The following NUDT3 variants were observed in gnomAD, a reference collection of about 807,000 sequenced individuals.
The protein encoded by NUDT3 is diphosphoinositol polyphosphate phosphohydrolase 1.
In NUDT3, 9 loss-of-function variants were observed where a neutral mutation model predicts 23.6. The observed-to-expected ratio is 0.38, with a 90% CI of 0.23 to 0.66. NUDT3 has a LOEUF of 0.66. NUDT3 is among the 30% of genes least tolerant of loss of function. The probability of loss-of-function intolerance (pLI) is 0.52; values close to 1 mark genes in which losing one functional copy is unlikely to be tolerated. For synonymous variants in NUDT3, 86 were observed against 82.6 expected, an observed-to-expected ratio of 1.04 and a Z score of -0.22; for missense variants, 172 against 218.5, an observed-to-expected ratio of 0.79 and a Z score of 1.34.
chr6:34,334,109 G>A (rs1030362597), intron 2 of NUDT3, among the ~76,000 whole-genome samples: 16 of 152,204 alleles, frequency 1.1e-4, no homozygotes, highest in East Asian at 5.8e-4. Context: ...GATGCCTGCC[G>A]GTGCACTGTG....
rs780334744 is a variant in NUDT3, at chr6:34,288,772, G to A, written c.500C>T (p.Ser167Leu). The A allele has an allele frequency of 1.9e-6, 3 of 1,611,040 alleles. No individual in the cohort carries two copies. Among genetic ancestry groups the A allele is most frequent in the South Asian group, 2.2e-5 (2 of 90,518 alleles). ...ATTYSVSAQSSMSGIR is the reference protein window; with the variant it reads ...ATTYSVSAQSLMSGIR ...CTTCAGTCATCTGATGCCTGACATC[G>A]AGCTCTGAGCAGAAACCGAGTATGT... is the stretch of plus-strand genomic sequence containing the variant. Residue 167 changes from serine to leucine, a missense_variant, in exon 5 of 5, where the codon TCG (serine) becomes TTG (leucine). By Grantham distance (145) the Ser-to-Leu change is moderately radical. Around this residue, in one of 3 missense-constraint regions of NUDT3, gnomAD observed 63 missense variants for 64.9 expected, o/e 0.97. Transcript: ENST00000607016.
chr6:34,375,688 T>C (rs995246662), intron 1 of NUDT3, among the ~76,000 whole-genome samples: 1 of 152,340 alleles, frequency 6.6e-6, no homozygotes, highest in East Asian at 1.9e-4. Flanking sequence ...ACTCAGACTC[T>C]TGGGTTTTTT....
rs528413185 is a variant in NUDT3, at chr6:34,286,796, T to A, written c.*1957A>T. On this transcript the variant is annotated 3_prime_UTR_variant, in exon 5 of 5. Coordinates refer to ENST00000607016, the MANE Select transcript of NUDT3 (RefSeq NM_006703.4). ...GCAAAAAAAAAAAAAAAAATTTTTT[T>A]TTTTTTTTTTTGAGATGGAGTTTCA... 6.7e-6 allele frequency: 1 copy of A among 149,490 alleles called. No individual in the cohort carries two copies. Among genetic ancestry groups the A allele is most frequent in the African/African-American group, 2.5e-5 (1 of 40,786 alleles). 9.3% of individuals were successfully genotyped at this position (149,490 alleles called of 1,614,324 possible). A position where few individuals can be genotyped will look rare whatever the true frequency, so the allele number is the denominator to read the frequency against.
chr6:34,283,702 A>C lies in NUDT3; in HGVS notation c.*5051T>G, dbSNP rs1763304639. Reference sequence around the variant, plus strand: ...CCCTTTTAGAGGCAGGGTTTGTGAAAGGCTGCTGGCCTCCAAAGGAGAGTA... The same window carrying C: ...CCCTTTTAGAGGCAGGGTTTGTGAACGGCTGCTGGCCTCCAAAGGAGAGTA... On this transcript the variant is annotated 3_prime_UTR_variant, in exon 5 of 5. Transcript: ENST00000607016. 6.6e-6 allele frequency: 1 copy of C among 152,236 alleles called. No homozygotes were observed. 9.4% of individuals were successfully genotyped at this position (152,236 alleles called of 1,614,324 possible). A position where few individuals can be genotyped will look rare whatever the true frequency, so the allele number is the denominator to read the frequency against.
chr6:34,305,173 G>C (rs1763661590), intron 2 of NUDT3, among the ~76,000 whole-genome samples: 1 of 151,394 alleles, frequency 6.6e-6, no homozygotes, highest in Admixed American at 6.6e-5. Flanking sequence ...AGTAGAGATG[G>C]GGTTTTACCA....
chr6:34,347,454 T>C (rs535654862), intron 1 of NUDT3, among the ~76,000 whole-genome samples: 31 of 152,236 alleles, frequency 2.0e-4, no homozygotes, highest in Middle Eastern at 3.4e-3. Context: ...CATCCATAGA[T>C]AGACTCTTGG....
At chr6:34,303,983 T>C (rs1001616191) in intron 2 of NUDT3, among the ~76,000 whole-genome samples, 1 of 152,176 alleles carries the variant, frequency 6.6e-6, no homozygotes, top group Non-Finnish European at 1.5e-5. Context: ...CCAGGCGCAG[T>C]GGCTCATGCC....
chr6:34,333,838 C>T lies in NUDT3; in HGVS notation c.210+8024G>A, dbSNP rs2237097. ...CTGATGATGTGACCTGGCAGCTCTG[C>T]CCAAAGGGGCATACTACATGAAGTT... On this transcript the variant is annotated intron_variant, in intron 2 of 4. Transcript: ENST00000607016. 6.6e-5 allele frequency among the ~76,000 whole-genome samples: 10 copies of T among 152,346 alleles called. No individual in the cohort carries two copies. In the East Asian group the frequency reaches 1.9e-3, roughly 29 times the overall value.
intron 4 of NUDT3, among the ~76,000 whole-genome samples, chr6:34,290,855 T>C (rs1763411345): frequency 6.6e-6 from 1 of 151,180 alleles, no homozygotes; most frequent in Admixed American, 6.6e-5. Flanking sequence ...AGTACAGCGA[T>C]GTGATCCCGG....
Position 34,286,872 on chromosome 6 carries a change from CCTCTGCCT to C in NUDT3, c.*1873_*1880del, listed in dbSNP as rs1322082822. On this transcript the variant is annotated 3_prime_UTR_variant, in exon 5 of 5. Coordinates refer to ENST00000607016, the MANE Select transcript of NUDT3 (RefSeq NM_006703.4). ...GTGGTGCAATCTCGGCTCACTGCAA[CCTCTGCCT>C]CCCAGGTTCAAGCGATTATCTCGCC... 6.7e-6 allele frequency: 1 copy of C among 148,802 alleles called. No homozygotes were observed. The highest frequency in any genetic ancestry group is 2.5e-5 in the African/African-American group (1 of 40,136). The allele number at this position is 148,802 out of a possible 1,614,324, so 9.2% of individuals were successfully genotyped here.
chr6:34,362,847 C>T (rs1764671290), intron 1 of NUDT3, among the ~76,000 whole-genome samples: 1 of 152,136 alleles, frequency 6.6e-6, no homozygotes, highest in African/African-American at 2.4e-5. Flanking sequence ...CTGTTTTACA[C>T]TTGAGGAAAC....
At chr6:34,345,655 T>A (rs1291553669) in intron 1 of NUDT3, among the ~76,000 whole-genome samples, 1 of 108,774 alleles carries the variant, frequency 9.2e-6, no homozygotes, top group East Asian at 3.6e-4. Context: ...AGAGCGAGAC[T>A]CCGTCCCAAA....
chr6:34,360,771 G>A (rs1764638207), intron 1 of NUDT3, among the ~76,000 whole-genome samples: 1 of 151,580 alleles, frequency 6.6e-6, no homozygotes, highest in Admixed American at 6.6e-5. Flanking sequence ...CCAAGTGAAT[G>A]AGAAGACACA....
intron 2 of NUDT3, among the ~76,000 whole-genome samples, chr6:34,310,531 A>G (rs573306237): frequency 6.6e-6 from 1 of 152,304 alleles, no homozygotes; most frequent in Admixed American, 6.5e-5. Context: ...TCTGTCTCAA[A>G]TAACAACAAC....
intron 1 of NUDT3, among the ~76,000 whole-genome samples, chr6:34,348,434 A>T (rs1764414446): frequency 6.6e-6 from 1 of 151,988 alleles, no homozygotes; most frequent in Non-Finnish European, 1.5e-5. Flanking sequence ...GTGAGCTATG[A>T]TCCCACTACT....
chr6:34,377,454 G>C (rs190303724), intron 1 of NUDT3, among the ~76,000 whole-genome samples: 4 of 152,198 alleles, frequency 2.6e-5, no homozygotes, highest in Admixed American at 2.6e-4. Flanking sequence ...AAAAAATCTG[G>C]TCCTTGATAC....
chr6:34,304,408 AAAGG>A (rs1561900998), intron 2 of NUDT3, among the ~76,000 whole-genome samples: 1 of 113,084 alleles, frequency 8.8e-6, no homozygotes, highest in Non-Finnish European at 2.0e-5. Context: ...CGAAAGAAGG[AAAGG>A]AAAGGAAAGG....
intron 2 of NUDT3, among the ~76,000 whole-genome samples, chr6:34,329,246 AC>A (rs1764089563): frequency 6.6e-6 from 1 of 152,194 alleles, no homozygotes; most frequent in African/African-American, 2.4e-5. Context: ...ACATAGATAT[AC>A]ACACATATAC....
intron 1 of NUDT3, among the ~76,000 whole-genome samples, chr6:34,372,837 G>A (rs1322799253): frequency 6.6e-6 from 1 of 151,762 alleles, no homozygotes; most frequent in Non-Finnish European, 1.5e-5. Context: ...TGTGAGATTG[G>A]AGAAAAATAA....
Sources: allele counts gnomAD v4.1 joint callset (sites outside exome capture counted in the v4.1 genomes callset), GRCh38; gene constraint gnomAD v4.1.1; regional missense constraint gnomAD v4.1.1; transcripts MANE v1.5; gene names NCBI Gene and HGNC (gene_info 2026-07-23, HGNC 2026-07-21).